Variants in RBBP8NL observed in about 807,000 individuals in gnomAD.
RBBP8NL encodes the protein RBBP8 N-terminal like.
RBBP8NL carries 59 observed loss-of-function variants against 62.2 expected under a neutral mutation model. The ratio of observed to expected loss-of-function variants is 0.95; its 90% CI spans 0.77 to 1.18. RBBP8NL has a LOEUF of 1.18. RBBP8NL is among the 50% of genes most tolerant of loss of function. The pLI, the probability that RBBP8NL is intolerant of heterozygous loss-of-function variation, is 0.00. For missense variants in RBBP8NL, 896 were observed against 899.5 expected, an observed-to-expected ratio of 1.00 and a Z score of 0.05; for synonymous variants, 412 against 394.1, an observed-to-expected ratio of 1.05 and a Z score of -0.54.
intron 1 of RBBP8NL, among the ~76,000 whole-genome samples, chr20:62,420,815 C>T (rs1429582941): frequency 6.6e-6 from 1 of 152,248 alleles, no homozygotes; most frequent in East Asian, 1.9e-4. Context: ...CCTCCCCTAC[C>T]CACAGGTCTC....
intron 1 of RBBP8NL, among the ~76,000 whole-genome samples, chr20:62,420,313 C>T (rs568188460): frequency 6.6e-6 from 1 of 151,890 alleles, no homozygotes; most frequent in African/African-American, 2.4e-5. Flanking sequence ...TCTCTGTCCC[C>T]CTCCAATGCC....
At chr20:62,425,886 A>AGTGGCAGTGGC (rs1988791200) in intron 1 of RBBP8NL, among the ~76,000 whole-genome samples, 2 of 152,284 alleles carry the variant, frequency 1.3e-5, no homozygotes, top group South Asian at 4.1e-4. Context: ...TAGCAGTGGC[A>AGTGGCAGTGGC]GTGGCAGTGG....
At position 62,419,442 on chromosome 20, in the gene RBBP8NL, C is replaced by T; in HGVS notation, c.61+145G>A. 6.0e-6 allele frequency: 5 copies of T among 827,308 alleles called. No homozygotes were observed. In the Admixed American group the frequency reaches 9.9e-5, roughly 16 times the overall value. 51.2% of individuals were successfully genotyped at this position (827,308 alleles called of 1,614,324 possible). ...AGCTCTGGGCCTTGGGTCAGGACTC[C>T]CCTGCCTGGGCCAAAAAGACGGGGT... On this transcript the variant is annotated intron_variant, in intron 2 of 13. Coordinates refer to ENST00000252998, the MANE Select transcript of RBBP8NL (RefSeq NM_080833.3).
At chr20:62,416,548 C>A (rs1988570926) in intron 5 of RBBP8NL, among the ~76,000 whole-genome samples, 2 of 152,190 alleles carry the variant, frequency 1.3e-5, no homozygotes, top group Non-Finnish European at 1.5e-5. Context: ...ATGCCCCCAG[C>A]CCAGGGGAGG....
chr20:62,421,489 A>C (rs1279194668), intron 1 of RBBP8NL, among the ~76,000 whole-genome samples: 4 of 121,000 alleles, frequency 3.3e-5, no homozygotes, highest in Non-Finnish European at 6.5e-5. Context: ...GTCAGTGTGC[A>C]TGTGTGTGCT....
At chr20:62,414,600 G>A (rs1230199018) in intron 9 of RBBP8NL, 44 bp from the exon 10 acceptor site, 54 of 1,387,850 alleles carry the variant, frequency 3.9e-5, no homozygotes, top group Non-Finnish European at 5.1e-5. Context: ...GTGTGGAGCC[G>A]TGACCGTCCC....
intron 1 of RBBP8NL, among the ~76,000 whole-genome samples, chr20:62,426,339 T>TG (rs1232541139): frequency 6.6e-6 from 1 of 152,250 alleles, no homozygotes; most frequent in Non-Finnish European, 1.5e-5. Flanking sequence ...CTCAGAGTGG[T>TG]GCCCTCTGCA....
intron 8 of RBBP8NL, 96 bp from the exon 9 acceptor site, chr20:62,415,383 C>A: frequency 7.0e-7 from 1 of 1,437,790 alleles, no homozygotes; most frequent in Non-Finnish European, 9.3e-7. Context: ...GCTGCTCCCA[C>A]TCTGCCCCTG....
In RBBP8NL at chr20:62,415,257, C is replaced by G; in HGVS notation, c.658G>C (p.Gly220Arg). 1 of 1,569,404 alleles carries G rather than the reference C, an allele frequency of 6.4e-7. No individual in the cohort carries two copies. Among genetic ancestry groups the G allele is most frequent in the Non-Finnish European group, 8.6e-7 (1 of 1,163,436 alleles). ...CCAGGCCGCACCACGGCAATGGTCC[C>G]GTGCAGCTGGTTGGAGATGCGCTGG... ...SPQRISNQLH[G>R]TIAVVRPGSQ... Residue 220 changes from glycine (G) to arginine (R), a missense_variant, in exon 9 of 14, where the codon GGG becomes CGG. Coordinates refer to ENST00000252998, the MANE Select transcript of RBBP8NL (RefSeq NM_080833.3).
In RBBP8NL at chr20:62,410,773, G is replaced by T. The variant is rs1269760208; in HGVS notation, c.*105C>A. 2.6e-6 allele frequency: 2 copies of T among 767,928 alleles called. No individual in the cohort carries two copies. Among genetic ancestry groups the T allele is most frequent in the South Asian group, 1.6e-5 (1 of 61,436 alleles). 47.6% of individuals were successfully genotyped at this position (767,928 alleles called of 1,614,324 possible). ...GAGGCTGGCTAGGTCTTCTCCCAGG[G>T]TTCTGTGCAGGGCTGCCTGCTGGTT... is the stretch of plus-strand genomic sequence containing the variant. On this transcript the variant is annotated 3_prime_UTR_variant, in exon 14 of 14. Transcript: ENST00000252998.
Position 62,414,621 on chromosome 20 carries a change from G to A in RBBP8NL, c.795-65C>T, listed in dbSNP as rs985542599. 4 of 1,380,420 alleles carry A rather than the reference G, an allele frequency of 2.9e-6. No homozygotes were observed. In the African/African-American group the frequency reaches 5.8e-5, roughly 20 times the overall value. 85.5% of individuals were successfully genotyped at this position (1,380,420 alleles called of 1,614,324 possible). On this transcript the variant is annotated intron_variant, in intron 9 of 13. Coordinates refer to ENST00000252998, the MANE Select transcript of RBBP8NL (RefSeq NM_080833.3). The stretch of plus-strand genomic sequence containing the variant: ...AGCCGTGACCGTCCCAGCGAGCCCT[G>A]AGAGGGAGAGACGACAGGCACCCAC...
chr20:62,424,029 G>A (rs1988758499), intron 1 of RBBP8NL, among the ~76,000 whole-genome samples: 1 of 151,228 alleles, frequency 6.6e-6, no homozygotes, highest in Non-Finnish European at 1.5e-5. Context: ...CTGGGTGGGG[G>A]CTGCAGTGGG....
chr20:62,416,359 A>G, intron 5 of RBBP8NL, 123 bp from the exon 6 acceptor site: 1 of 876,094 alleles, frequency 1.1e-6, no homozygotes, highest in South Asian at 1.5e-5. Context: ...AGGGCCTGGC[A>G]GGCAGCAGGG....
intron 11 of RBBP8NL, among the ~76,000 whole-genome samples, chr20:62,413,148 T>C (rs1988473905): frequency 6.6e-6 from 1 of 152,280 alleles, no homozygotes; most frequent in African/African-American, 2.4e-5. Context: ...CACAGCCTGC[T>C]TGCCAGCCCT....
chr20:62,423,061 G>A (rs1243955795), intron 1 of RBBP8NL, among the ~76,000 whole-genome samples: 1 of 152,120 alleles, frequency 6.6e-6, no homozygotes, highest in Admixed American at 6.5e-5. Flanking sequence ...TGCTGGTGAA[G>A]GGGACCAACA....
chr20:62,416,049 C>T lies in RBBP8NL; in HGVS notation c.387-104G>A, dbSNP rs960655296. The T allele has an allele frequency of 5.5e-6, 8 of 1,460,372 alleles. No homozygotes were observed. In the East Asian group the frequency reaches 2.0e-4, roughly 36 times the overall value. The allele number at this position is 1,460,372 out of a possible 1,614,324, so 90.5% of individuals were successfully genotyped here. A position where few individuals can be genotyped will look rare whatever the true frequency, so the allele number is the denominator to read the frequency against. On this transcript the variant is annotated intron_variant, in intron 6 of 13. Transcript: ENST00000252998. ...GGGTGACCCCAGGTGACGCAGCTGTCCCGACACTGCCTGAGAGTCCTCCAT... is the reference window on the plus strand; with the variant it reads ...GGGTGACCCCAGGTGACGCAGCTGTTCCGACACTGCCTGAGAGTCCTCCAT...
At chr20:62,418,304 G>A (rs1054371281) in intron 3 of RBBP8NL, 119 bp downstream of exon 3, 1 of 1,014,128 alleles carries the variant, frequency 9.9e-7, no homozygotes, top group East Asian at 2.6e-5. Context: ...CCCCCACACT[G>A]AGCCTCAGTT....
intron 10 of RBBP8NL, 109 bp downstream of exon 10, chr20:62,413,712 A>G (rs1569023621): frequency 5.6e-6 from 8 of 1,438,216 alleles, no homozygotes; most frequent in Non-Finnish European, 9.2e-7. Context: ...CTGGGAAACA[A>G]CTTGGTGGGC....
intron 1 of RBBP8NL, among the ~76,000 whole-genome samples, chr20:62,425,156 G>C (rs1377146706): frequency 6.6e-6 from 1 of 152,168 alleles, no homozygotes; most frequent in African/African-American, 2.4e-5. Context: ...GTGGCCAGGA[G>C]CTCCGTAGAC....
Sources: allele counts gnomAD v4.1 joint callset (sites outside exome capture counted in the v4.1 genomes callset), GRCh38; gene constraint gnomAD v4.1.1; transcripts MANE v1.5; gene names NCBI Gene and HGNC (gene_info 2026-07-23, HGNC 2026-07-21).